C9orf153: variants seen among roughly 807,000 people sequenced by gnomAD.
C9orf153 encodes uncharacterized protein C9orf153.
C9orf153 carries 10 observed loss-of-function variants against 9.0 expected under a neutral mutation model. The observed-to-expected ratio is 1.11, with a 90% CI of 0.69 to 1.89. The LOEUF is 1.89. Among genes scored for constraint, C9orf153 ranks in the 40% most tolerant of loss-of-function variants. C9orf153 has a pLI of 0.00. For missense variants in C9orf153, 108 were observed against 111.0 expected (o/e 0.97, Z 0.12); for synonymous variants, 35 against 37.3 (o/e 0.94, Z 0.23).
intron 1 of C9orf153, among the ~76,000 whole-genome samples, chr9:86,245,710 T>C (rs1824850350): frequency 1.3e-5 from 2 of 152,212 alleles, no homozygotes; most frequent in African/African-American, 4.8e-5. Flanking sequence ...TAGTGTCACC[T>C]GGAATGAGGT....
chr9:86,226,488 A>AT (rs1370313445), intron 3 of C9orf153, among the ~76,000 whole-genome samples: 2 of 151,944 alleles, frequency 1.3e-5, no homozygotes, highest in African/African-American at 4.8e-5. Context: ...CACCTGGCTA[A>AT]TTTTTAAAAT....
intron 1 of C9orf153, among the ~76,000 whole-genome samples, chr9:86,245,684 G>T (rs921973350): frequency 6.6e-6 from 1 of 152,146 alleles, no homozygotes; most frequent in Non-Finnish European, 1.5e-5. Flanking sequence ...CTCTGAAGGT[G>T]TATGCTTCCT....
intron 3 of C9orf153, 56 bp from the exon 4 acceptor site, chr9:86,221,789 T>A: frequency 8.3e-7 from 1 of 1,202,704 alleles, no homozygotes; most frequent in Non-Finnish European, 1.2e-6. Flanking sequence ...AGCCTTTCAT[T>A]ACTCAGAGAT....
At chr9:86,223,784 C>T (rs1216819875) in intron 3 of C9orf153, among the ~76,000 whole-genome samples, 3 of 152,142 alleles carry the variant, frequency 2.0e-5, no homozygotes, top group Admixed American at 6.5e-5. Context: ...CCACAGCCTC[C>T]GAGGGTGAAG....
At chr9:86,224,566 G>A (rs1213993418) in intron 3 of C9orf153, among the ~76,000 whole-genome samples, 2 of 152,040 alleles carry the variant, frequency 1.3e-5, no homozygotes, top group Non-Finnish European at 2.9e-5. Context: ...GTAAGTGCAT[G>A]AGGTCAGGAT....
chr9:86,227,048 G>A (rs1824353347), intron 3 of C9orf153, among the ~76,000 whole-genome samples: 1 of 152,200 alleles, frequency 6.6e-6, no homozygotes, highest in Non-Finnish European at 1.5e-5. Flanking sequence ...TTACAGGCAT[G>A]AGCCACCATG....
chr9:86,241,024 G>A (rs1405050819), intron 1 of C9orf153, among the ~76,000 whole-genome samples: 1 of 151,670 alleles, frequency 6.6e-6, no homozygotes, highest in African/African-American at 2.4e-5. Flanking sequence ...CTTTTCTTTT[G>A]TGCCCCTACC....
At chr9:86,236,801 T>C (rs1824603497) in intron 1 of C9orf153, among the ~76,000 whole-genome samples, 1 of 151,240 alleles carries the variant, frequency 6.6e-6, no homozygotes, top group African/African-American at 2.4e-5. Context: ...TAACAGTTTG[T>C]TCAAAATAAT....
At chr9:86,230,592 C>A (rs192997501) in intron 1 of C9orf153, among the ~76,000 whole-genome samples, 1 of 152,188 alleles carries the variant, frequency 6.6e-6, no homozygotes, top group Non-Finnish European at 1.5e-5. Context: ...TGGGCCACCA[C>A]GCCCAGCTGG....
chr9:86,246,210 T>C (rs537908756), intron 1 of C9orf153, among the ~76,000 whole-genome samples: 1 of 152,322 alleles, frequency 6.6e-6, no homozygotes, highest in African/African-American at 2.4e-5. Context: ...AAAGAGATAA[T>C]AAATCCATGC....
intron 3 of C9orf153, among the ~76,000 whole-genome samples, chr9:86,226,324 T>C (rs1824330507): frequency 6.6e-6 from 1 of 151,284 alleles, no homozygotes. Context: ...TCCCATTACT[T>C]TTTTTTTTCT....
In C9orf153 at chr9:86,221,709, T is replaced by A. The variant is rs1254501972; in HGVS notation, c.267A>T (p.Gly89=). The A allele has an allele frequency of 6.5e-7, 1 of 1,548,440 alleles. No homozygotes were observed. Among genetic ancestry groups the A allele is most frequent in the Non-Finnish European group, 8.7e-7 (1 of 1,145,228 alleles). Residue 89 remains glycine, a synonymous_variant, in exon 4 of 4, where the codon GGA becomes GGT. Transcript: ENST00000339137. ...VIRKTIHESK[G]SGMEIF ...CCCCTTAAAATATCTCCATTCCAGA[T>A]CCCTTAGATTCATGAATTGTTTTCC...
chr9:86,244,155 A>C (rs1326321582), intron 1 of C9orf153, among the ~76,000 whole-genome samples: 1 of 152,240 alleles, frequency 6.6e-6, no homozygotes, highest in Non-Finnish European at 1.5e-5. Flanking sequence ...TATCAATTAC[A>C]TAAAGATAAT....
intron 1 of C9orf153, among the ~76,000 whole-genome samples, chr9:86,247,652 C>T (rs976606857): frequency 1.3e-5 from 2 of 152,108 alleles, no homozygotes; most frequent in East Asian, 1.9e-4. Context: ...TCCACACCAG[C>T]CTGGACAACA....
intron 1 of C9orf153, among the ~76,000 whole-genome samples, chr9:86,232,518 C>T (rs1454422649): frequency 6.6e-6 from 1 of 152,078 alleles, no homozygotes; most frequent in Non-Finnish European, 1.5e-5. Flanking sequence ...GTTACTCCCA[C>T]AGATTCCTAC....
chr9:86,248,428 C>T (rs955822396), intron 1 of C9orf153, among the ~76,000 whole-genome samples: 5 of 152,280 alleles, frequency 3.3e-5, no homozygotes, highest in Non-Finnish European at 7.3e-5. Flanking sequence ...GCCACCGTGC[C>T]CAGCCTGTTT....
intron 3 of C9orf153, chr9:86,227,280 G>C: frequency 7.1e-7 from 1 of 1,399,814 alleles, no homozygotes. Context: ...TCGGGTAGCC[G>C]AGATTACAGG....
At chr9:86,230,331 C>A (rs560328338) in intron 1 of C9orf153, among the ~76,000 whole-genome samples, 22 of 152,222 alleles carry the variant, frequency 1.4e-4, no homozygotes, top group African/African-American at 5.3e-4. Flanking sequence ...GATGAAGTTT[C>A]ACTCTTGTTG....
At chr9:86,247,224 G>A (rs1412193902) in intron 1 of C9orf153, among the ~76,000 whole-genome samples, 1 of 152,132 alleles carries the variant, frequency 6.6e-6, no homozygotes, top group Non-Finnish European at 1.5e-5. Flanking sequence ...CTCAGGAGTG[G>A]ATCAAAGCAG....
Sources: gnomAD v4.1 joint callset for allele counts (sites outside exome capture counted in the v4.1 genomes callset) on GRCh38, gnomAD v4.1.1 for gene constraint, MANE v1.5 for transcripts, NCBI Gene and HGNC (gene_info 2026-07-23, HGNC 2026-07-21) for gene names.